The following RAPGEF6 variants were observed in gnomAD, a reference collection of about 807,000 sequenced individuals.
The protein encoded by RAPGEF6 is Rap guanine nucleotide exchange factor 6, also known as PDZ domain containing guanine nucleotide exchange factor (GEF) 2.
A neutral mutation model predicts 171.4 loss-of-function variants in RAPGEF6; 56 were observed. The observed-to-expected ratio is 0.33, with a 90% CI of 0.26 to 0.41. The LOEUF is 0.41. Ranked by LOEUF, RAPGEF6 falls within the 10% of genes least tolerant of loss-of-function variation. RAPGEF6 has a pLI of 1.00. For missense variants in RAPGEF6, 1,674 were observed against 1,921.4 expected (o/e 0.87, Z 2.41); for synonymous variants, 692 against 650.1 (o/e 1.06, Z -0.98).
chr5:131,523,937 G>C (rs1444949976), intron 6 of RAPGEF6, among the ~76,000 whole-genome samples: 1 of 152,098 alleles, frequency 6.6e-6, no homozygotes, highest in East Asian at 1.9e-4. Flanking sequence ...AGAGTGATTA[G>C]ATTACTTTGG....
intron 6 of RAPGEF6, chr5:131,532,304 A>C (rs968771575): frequency 8.5e-6 from 2 of 235,814 alleles, no homozygotes; most frequent in African/African-American, 4.6e-5. Flanking sequence ...TTAAAACTGA[A>C]ATCAGGAGCT....
chr5:131,622,383 C>G (rs1765643680), intron 1 of RAPGEF6, among the ~76,000 whole-genome samples: 3 of 152,224 alleles, frequency 2.0e-5, no homozygotes, highest in Admixed American at 2.0e-4. Flanking sequence ...TTGCAAGGGA[C>G]AGACTGACTG....
At chr5:131,531,266 C>G (rs1338922349) in intron 6 of RAPGEF6, among the ~76,000 whole-genome samples, 1 of 152,004 alleles carries the variant, frequency 6.6e-6, no homozygotes, top group African/African-American at 2.4e-5. Context: ...TGCAAGAGAA[C>G]CATAAAAAAT....
In RAPGEF6 at chr5:131,634,676, A is replaced by G. The variant is rs532592150; in HGVS notation, c.69+286T>C. On this transcript the variant is annotated intron_variant, in intron 1 of 27. Coordinates refer to ENST00000509018, the MANE Select transcript of RAPGEF6 (RefSeq NM_016340.6). The stretch of plus-strand genomic sequence containing the variant: ...GAATGGGCATCTAACTGCGAAACTC[A>G]TATTACCCAACTCAGAAAATACGAC... 2.6e-5 allele frequency among the ~76,000 whole-genome samples: 4 copies of G among 152,216 alleles called. No homozygotes were observed. In the East Asian group the frequency reaches 7.7e-4, roughly 29 times the overall value.
chr5:131,583,295 C>A (rs1763072177), intron 4 of RAPGEF6, among the ~76,000 whole-genome samples: 1 of 152,114 alleles, frequency 6.6e-6, no homozygotes, highest in African/African-American at 2.4e-5. Flanking sequence ...GAAGTTTAGA[C>A]ACAACTTATG....
At chr5:131,437,751 A>C (rs1752105202) in intron 24 of RAPGEF6, among the ~76,000 whole-genome samples, 1 of 152,192 alleles carries the variant, frequency 6.6e-6, no homozygotes, top group African/African-American at 2.4e-5. Flanking sequence ...AAAAAATCTA[A>C]CCAGTCTCAG....
intron 16 of RAPGEF6, among the ~76,000 whole-genome samples, chr5:131,478,881 T>C (rs890613621): frequency 6.6e-6 from 1 of 152,216 alleles, no homozygotes; most frequent in Admixed American, 6.5e-5. Flanking sequence ...ATTCAATAAA[T>C]ATAAACTGAG....
chr5:131,509,242 A>C (rs979675751), intron 8 of RAPGEF6, among the ~76,000 whole-genome samples: 1 of 152,118 alleles, frequency 6.6e-6, no homozygotes, highest in Non-Finnish European at 1.5e-5. Context: ...AAAAATTTAT[A>C]ATGTTTTAAG....
intron 14 of RAPGEF6, among the ~76,000 whole-genome samples, chr5:131,492,158 AC>A: frequency 6.6e-6 from 1 of 152,326 alleles, no homozygotes; most frequent in African/African-American, 2.4e-5. Flanking sequence ...TTTAATGATT[AC>A]CATAACCTTC....
intron 7 of RAPGEF6, among the ~76,000 whole-genome samples, chr5:131,517,035 G>T (rs571053076): frequency 6.6e-6 from 1 of 152,096 alleles, no homozygotes; most frequent in Non-Finnish European, 1.5e-5. Flanking sequence ...ACCAAATCCC[G>T]CATGTTCTTA....
At position 131,628,160 on chromosome 5, in the gene RAPGEF6, C is replaced by T. The variant is rs146543906; in HGVS notation, c.69+6802G>A. On this transcript the variant is annotated intron_variant, in intron 1 of 27. Transcript: ENST00000509018. ...AAATCAAAAGCTAGAAATGATTAAA[C>T]TTAGGAAGGCTAACAACGGCCCAAA... 1.6e-3 allele frequency among the ~76,000 whole-genome samples: 246 copies of T among 152,174 alleles called. 1 individual carries two copies. Among genetic ancestry groups the T allele is most frequent in the African/African-American group, 5.7e-3 (236 of 41,498 alleles).
chr5:131,519,991 G>C (rs1418096226), intron 7 of RAPGEF6, among the ~76,000 whole-genome samples: 1 of 152,152 alleles, frequency 6.6e-6, no homozygotes. Flanking sequence ...ATGGAGAACA[G>C]GGAAAAATTC....
intron 11 of RAPGEF6, among the ~76,000 whole-genome samples, chr5:131,499,136 A>C (rs1250778438): frequency 6.6e-6 from 1 of 152,222 alleles, no homozygotes; most frequent in Non-Finnish European, 1.5e-5. Flanking sequence ...CATTATTGTT[A>C]CTTCCCAGAA....
At chr5:131,615,821 G>C (rs914094394) in intron 1 of RAPGEF6, among the ~76,000 whole-genome samples, 1 of 151,950 alleles carries the variant, frequency 6.6e-6, no homozygotes, top group Non-Finnish European at 1.5e-5. Flanking sequence ...AGAATTGCTT[G>C]AACCCGGGCA....
At chr5:131,558,707 A>C (rs1761398796) in intron 5 of RAPGEF6, among the ~76,000 whole-genome samples, 1 of 152,188 alleles carries the variant, frequency 6.6e-6, no homozygotes, top group Non-Finnish European at 1.5e-5. Flanking sequence ...CTTCTTTGAC[A>C]AGCGATTTAG....
At chr5:131,502,049 C>T (rs1199536874) in intron 11 of RAPGEF6, among the ~76,000 whole-genome samples, 1 of 152,064 alleles carries the variant, frequency 6.6e-6, no homozygotes, top group Admixed American at 6.6e-5. Flanking sequence ...CCAGATTATA[C>T]GGATGTGCTC....
intron 27 of RAPGEF6, among the ~76,000 whole-genome samples, chr5:131,428,349 G>A (rs1751494791): frequency 6.6e-6 from 1 of 152,176 alleles, no homozygotes. Context: ...GGAGTCTGAG[G>A]CTGTAGTGAG....
intron 1 of RAPGEF6, among the ~76,000 whole-genome samples, chr5:131,607,369 C>A (rs1218984112): frequency 6.6e-6 from 1 of 152,224 alleles, no homozygotes; most frequent in Non-Finnish European, 1.5e-5. Flanking sequence ...GAACCAAATT[C>A]TAGCCCTAAT....
At chr5:131,467,027 G>A (rs1754401889) in intron 17 of RAPGEF6, among the ~76,000 whole-genome samples, 1 of 152,184 alleles carries the variant, frequency 6.6e-6, no homozygotes, top group Non-Finnish European at 1.5e-5. Flanking sequence ...TGGGGGCTGA[G>A]CCTTAGCCAG....
Sources: gnomAD v4.1 joint callset for allele counts (sites outside exome capture counted in the v4.1 genomes callset) on GRCh38, gnomAD v4.1.1 for gene constraint, MANE v1.5 for transcripts, NCBI Gene and HGNC (gene_info 2026-07-23, HGNC 2026-07-21) for gene names.